Variants in SLC43A2 observed in about 807,000 individuals in gnomAD.
SLC43A2 encodes large neutral amino acids transporter small subunit 4.
In SLC43A2, 38 loss-of-function variants were observed where a neutral mutation model predicts 63.2. The observed-to-expected ratio is 0.60, with a 90% CI of 0.46 to 0.79. SLC43A2 has a LOEUF of 0.79. Ranked by LOEUF, SLC43A2 falls within the 30% of genes least tolerant of loss-of-function variation. The pLI is 0.00. For synonymous variants in SLC43A2, 322 were observed against 331.0 expected, an observed-to-expected ratio of 0.97 and a Z score of 0.30; for missense variants, 644 against 756.2, an observed-to-expected ratio of 0.85 and a Z score of 1.74.
At chr17:1,603,567 T>C (rs1273860489) in intron 5 of SLC43A2, among the ~76,000 whole-genome samples, 2 of 152,056 alleles carry the variant, frequency 1.3e-5, no homozygotes, top group Non-Finnish European at 2.9e-5. Flanking sequence ...GGGGATCACC[T>C]GAGGTCAGGA....
Position 1,585,920 on chromosome 17 carries a change from C to T in SLC43A2, c.1210G>A (p.Ala404Thr), listed in dbSNP as rs143568503. The change falls in exon 10 of 14, where the codon GCC becomes ACC. Residue 404 changes from alanine to threonine, a missense_variant. Ala to Thr is a moderately conservative substitution (Grantham distance 58). This residue lies in a region of SLC43A2 where 528 missense variants were observed against 623.6 expected (regional missense o/e 0.85). Coordinates refer to ENST00000301335, the MANE Select transcript of SLC43A2 (RefSeq NM_152346.3). ...CCGGCCCTGCCTACGCACTGGTTGG[C>T]GTCTTTCTCCTCGGGCTCCTCGGAG... ...DASEEPEEKD[A>T]NQGEKKKKKR... 2.2e-5 allele frequency: 35 copies of T among 1,613,626 alleles called. No individual in the cohort carries two copies. The highest frequency in any genetic ancestry group is 1.9e-4 in the African/African-American group (14 of 74,946).
rs891981152 is a variant in SLC43A2 at position 1,577,637 on chromosome 17, G to A, written c.1424+613C>T. Among the ~76,000 whole-genome samples, 12 of 152,244 alleles carry A rather than the reference G, an allele frequency of 7.9e-5. No individual in the cohort carries two copies. Among genetic ancestry groups the A allele is most frequent in the African/African-American group, 2.9e-4 (12 of 41,478 alleles). On this transcript the variant is annotated intron_variant, in intron 12 of 13. Transcript: ENST00000301335. This position sits in a 1 kb window ranked among gnomAD's most constrained non-coding sequence, Gnocchi z 4.9. ...TGGTCCCACATCAGAGACTGTGGAT[G>A]ATGATGTTTGAGTTTCAGTTTTTGG... is the stretch of plus-strand genomic sequence containing the variant.
intron 9 of SLC43A2, among the ~76,000 whole-genome samples, chr17:1,586,311 A>G (rs573859383): frequency 6.3e-4 from 96 of 152,230 alleles, no homozygotes; most frequent in African/African-American, 2.0e-3. Flanking sequence ...AGAGTGTCAC[A>G]ATGGCCTTCC....
At chr17:1,613,901 C>A (rs1222265355) in intron 4 of SLC43A2, among the ~76,000 whole-genome samples, 1 of 151,938 alleles carries the variant, frequency 6.6e-6, no homozygotes, top group Non-Finnish European at 1.5e-5. Flanking sequence ...GGGTTCAAGA[C>A]CAGCCTGGGC....
rs1180095879 is a variant in SLC43A2, at chr17:1,572,357, G to C, written c.*3247C>G. 6.6e-6 allele frequency: 1 copy of C among 151,290 alleles called. No individual in the cohort carries two copies. Among genetic ancestry groups the C allele is most frequent in the Non-Finnish European group, 1.5e-5 (1 of 68,068 alleles). 9.4% of individuals were successfully genotyped at this position (151,290 alleles called of 1,614,324 possible). A position where few individuals can be genotyped will look rare whatever the true frequency, so the allele number is the denominator to read the frequency against. ...CTGCTGCTCCGAGTGGAATGTCCTG[G>C]TCTAGAGGCCCTTGGCTGCTCCAGT... On this transcript the variant is annotated 3_prime_UTR_variant, in exon 14 of 14. Coordinates refer to ENST00000301335, the MANE Select transcript of SLC43A2 (RefSeq NM_152346.3).
chr17:1,591,739 G>GGGGGGGGCGGGGC, intron 6 of SLC43A2, 40 bp from the exon 7 acceptor site: 5 of 512,304 alleles, frequency 9.8e-6, no homozygotes, highest in East Asian at 8.1e-5. Context: ...GGGGGAGGGG[G>GGGGGGGGCGGGGC]CAGAGTTAGC....
At chr17:1,589,270 GCT>G (rs964441316) in intron 9 of SLC43A2, among the ~76,000 whole-genome samples, 4 of 152,220 alleles carry the variant, frequency 2.6e-5, no homozygotes, top group Non-Finnish European at 5.9e-5. Flanking sequence ...CCAGGGACCA[GCT>G]CTCTCTGCAC....
chr17:1,579,923 G>A (rs940338187), intron 11 of SLC43A2, among the ~76,000 whole-genome samples: 10 of 151,570 alleles, frequency 6.6e-5, no homozygotes, highest in East Asian at 1.9e-4. Flanking sequence ...GCCTGTGCAC[G>A]CATCAGGCTT....
At chr17:1,616,184 T>G (rs901604234) in intron 3 of SLC43A2, among the ~76,000 whole-genome samples, 3 of 152,174 alleles carry the variant, frequency 2.0e-5, no homozygotes, top group African/African-American at 7.2e-5. Flanking sequence ...GTTGTTGGTT[T>G]TTTTTCTCAT....
intron 6 of SLC43A2, among the ~76,000 whole-genome samples, chr17:1,592,834 A>T (rs1376765555): frequency 6.6e-6 from 1 of 152,150 alleles, no homozygotes; most frequent in Non-Finnish European, 1.5e-5. Flanking sequence ...ACGGTACAAT[A>T]ACAGCAGGCT....
At chr17:1,628,023 C>G (rs1908850292) in intron 1 of SLC43A2, 103 bp from the exon 2 acceptor site, 1 of 1,146,996 alleles carries the variant, frequency 8.7e-7, no homozygotes, top group Admixed American at 4.5e-5. Context: ...GCCACCCCTC[C>G]CCGGCCGCGG....
Position 1,623,733 on chromosome 17 carries a change from C to T in SLC43A2, c.160+3982G>A, listed in dbSNP as rs1211355150. ...GTACCCTCCTCTCCTCCAGGCTGTA[C>T]CCTCCTCTCCTCCAGGCTGTACCCT... On this transcript the variant is annotated intron_variant, in intron 2 of 13. Transcript: ENST00000301335. 2.8e-5 allele frequency among the ~76,000 whole-genome samples: 4 copies of T among 141,396 alleles called. 1 individual carries two copies. Among genetic ancestry groups the T allele is most frequent in the East Asian group, 4.2e-4 (2 of 4,740 alleles). The allele number at this position is 141,396 out of a possible 152,430, so 92.8% of individuals were successfully genotyped here. A position where few individuals can be genotyped will look rare whatever the true frequency, so the allele number is the denominator to read the frequency against.
chr17:1,583,205 T>C lies in SLC43A2; in HGVS notation c.1349A>G (p.Gln450Arg). 1 of 1,613,940 alleles carries C rather than the reference T, an allele frequency of 6.2e-7. No homozygotes were observed. The highest frequency in any genetic ancestry group is 8.5e-7 in the Non-Finnish European group (1 of 1,179,880). Residue 450 changes from glutamine (Q) to arginine (R), a missense_variant and splice_region_variant, in exon 11 of 14, where the codon CAG (glutamine) becomes CGG (arginine). Transcript: ENST00000301335. This position sits in a 1 kb window ranked among gnomAD's most constrained non-coding sequence, Gnocchi z 5.5. Reference sequence around the variant, plus strand: ...GCCCCTCCCACTCCCCACACCCACCTGGAGAGGCAGGTTGGGAATGAGGCA... The same window carrying C: ...GCCCCTCCCACTCCCCACACCCACCCGGAGAGGCAGGTTGGGAATGAGGCA... Reference protein sequence around the residue: ...VTCLIPNLPLQILSFILHTIV... With the variant: ...VTCLIPNLPLRILSFILHTIV...
intron 2 of SLC43A2, among the ~76,000 whole-genome samples, chr17:1,618,237 G>A (rs941017204): frequency 2.6e-5 from 4 of 152,356 alleles, no homozygotes; most frequent in South Asian, 4.1e-4. Flanking sequence ...CTGGTTTCTA[G>A]CTTCCAGTGT....
chr17:1,615,824 C>G (rs143562216), intron 3 of SLC43A2, among the ~76,000 whole-genome samples: 6,872 of 143,278 alleles, frequency 0.048, 579 homozygotes, highest in African/African-American at 0.17. Context: ...GCCTGGGCGA[C>G]AGAGGGAGAC....
intron 6 of SLC43A2, 40 bp from the exon 7 acceptor site, chr17:1,591,739 G>GGGGGGGGGGTTGGGGC: frequency 2.0e-6 from 1 of 512,310 alleles, no homozygotes; most frequent in Non-Finnish European, 3.9e-6. Flanking sequence ...GGGGGAGGGG[G>GGGGGGGGGGTTGGGGC]CAGAGTTAGC....
chr17:1,607,962 C>T (rs1391541370), intron 5 of SLC43A2, among the ~76,000 whole-genome samples: 1 of 152,096 alleles, frequency 6.6e-6, no homozygotes, highest in Non-Finnish European at 1.5e-5. Flanking sequence ...GTGATCCACC[C>T]GCCTCAGCCT....
intron 2 of SLC43A2, among the ~76,000 whole-genome samples, chr17:1,625,277 C>A (rs1010541039): frequency 2.6e-5 from 4 of 152,224 alleles, no homozygotes; most frequent in African/African-American, 9.6e-5. Flanking sequence ...TGCCACCTCA[C>A]CAGGCTGGAA....
At position 1,627,842 on chromosome 17, in the gene SLC43A2, G is replaced by T. The variant is rs1598504975; in HGVS notation, c.33C>A (p.Arg11=). 1.9e-6 allele frequency: 3 copies of T among 1,586,262 alleles called. No homozygotes were observed. The East Asian group carries it at 6.9e-5, about 37-fold the overall frequency. The change falls in exon 2 of 14, where the codon CGC becomes CGA. Residue 11 remains arginine, a synonymous_variant. Coordinates refer to ENST00000301335, the MANE Select transcript of SLC43A2 (RefSeq NM_152346.3). The stretch of plus-strand genomic sequence containing the variant: ...CGGCCGTGCAGGCCATCCACCAGCG[G>T]CGCCGATGGGCAGTGGCCAGGGTGG... MAPTLATAHR[R]RWWMACTAVL...
Sources: gnomAD v4.1 joint callset for allele counts (sites outside exome capture counted in the v4.1 genomes callset) on GRCh38, gnomAD v4.1.1 for gene constraint, gnomAD v4.1.1 regional missense constraint, Gnocchi (gnomAD v3.1) non-coding constraint, MANE v1.5 for transcripts, NCBI Gene and HGNC (gene_info 2026-07-23, HGNC 2026-07-21) for gene names.